Variants in EPB41 observed in about 807,000 individuals in gnomAD.
EPB41 encodes the protein erythrocyte membrane protein band 4.1, also known as protein 4.1.
EPB41 carries 65 observed loss-of-function variants against 108.0 expected under a neutral mutation model. The observed-to-expected ratio is 0.60, with a 90% CI of 0.49 to 0.74. The LOEUF (loss-of-function observed/expected upper bound fraction) is 0.74. Ranked by LOEUF, EPB41 falls within the 30% of genes least tolerant of loss-of-function variation. The pLI, the probability that EPB41 is intolerant of heterozygous loss-of-function variation, is 0.00. For missense variants in EPB41, 875 were observed against 1,037.0 expected (o/e 0.84, Z 2.15); for synonymous variants, 336 against 358.9 (o/e 0.94, Z 0.72).
chr1:29,013,231 A>G (rs2096531065), intron 5 of EPB41, among the ~76,000 whole-genome samples: 1 of 152,068 alleles, frequency 6.6e-6, no homozygotes, highest in African/African-American at 2.4e-5. Context: ...AGGCTGAGGC[A>G]GGAGAATTGC....
At chr1:29,033,460 T>C (rs1283311818) in intron 9 of EPB41, among the ~76,000 whole-genome samples, 1 of 152,182 alleles carries the variant, frequency 6.6e-6, no homozygotes, top group Non-Finnish European at 1.5e-5. Flanking sequence ...TAAGTAAATA[T>C]ACCATTGCAA....
intron 1 of EPB41, among the ~76,000 whole-genome samples, chr1:28,942,224 C>G (rs1479018433): frequency 6.6e-6 from 1 of 152,174 alleles, no homozygotes; most frequent in East Asian, 1.9e-4. Context: ...AGCTGGGTGT[C>G]CTATATAATT....
chr1:29,017,604 C>T (rs1278282481), intron 6 of EPB41, among the ~76,000 whole-genome samples: 2 of 152,196 alleles, frequency 1.3e-5, no homozygotes, highest in East Asian at 3.8e-4. Flanking sequence ...TGCGACTTAA[C>T]TCATCTTGGA....
chr1:29,107,820 C>T (rs1253371444), intron 17 of EPB41, among the ~76,000 whole-genome samples: 2 of 134,528 alleles, frequency 1.5e-5, no homozygotes, highest in East Asian at 2.1e-4. Context: ...TATTGCACTC[C>T]AGCCTGGGCA....
At chr1:28,979,773 A>G (rs1571849179) in intron 1 of EPB41, among the ~76,000 whole-genome samples, 1 of 151,954 alleles carries the variant, frequency 6.6e-6, no homozygotes, top group Non-Finnish European at 1.5e-5. Context: ...TGAAAATTCT[A>G]GAACTAATCT....
chr1:29,045,666 T>C (rs1364284540), intron 11 of EPB41, among the ~76,000 whole-genome samples: 1 of 150,912 alleles, frequency 6.6e-6, no homozygotes, highest in Non-Finnish European at 1.5e-5. Context: ...TCGTTTGCTA[T>C]CTTAAATGGT....
chr1:28,915,724 T>C (rs530178592), intron 1 of EPB41, among the ~76,000 whole-genome samples: 2 of 143,290 alleles, frequency 1.4e-5, no homozygotes, highest in Middle Eastern at 3.4e-3. Context: ...TTTTTTTTTT[T>C]CAGATGCTTT....
At chr1:29,103,160 C>T (rs112678224) in intron 17 of EPB41, among the ~76,000 whole-genome samples, 6 of 152,104 alleles carry the variant, frequency 3.9e-5, no homozygotes, top group African/African-American at 9.7e-5. Context: ...CAGCCCGCCT[C>T]GACCTCCCAA....
intron 16 of EPB41, chr1:29,070,720 T>A: frequency 8.2e-7 from 1 of 1,220,538 alleles, no homozygotes; most frequent in South Asian, 4.3e-5. Flanking sequence ...GATAGTTCAC[T>A]ATCCTAGGGG....
chr1:29,029,847 C>T (rs2096766713), intron 7 of EPB41, among the ~76,000 whole-genome samples: 1 of 152,210 alleles, frequency 6.6e-6, no homozygotes, highest in Non-Finnish European at 1.5e-5. Flanking sequence ...AGGACACCAT[C>T]TGTTACCAGA....
At chr1:29,060,590 T>C (rs888241503) in intron 15 of EPB41, 106 bp downstream of exon 15, 6 of 979,986 alleles carry the variant, frequency 6.1e-6, no homozygotes, top group Non-Finnish European at 9.7e-6. Flanking sequence ...TTGCATGCAA[T>C]TGCATGAAGG....
intron 19 of EPB41, among the ~76,000 whole-genome samples, chr1:29,114,511 C>T (rs367692663): frequency 1.3e-5 from 2 of 151,954 alleles, no homozygotes; most frequent in Non-Finnish European, 2.9e-5. Context: ...GACGTGGTCA[C>T]GGACACCTGT....
intron 2 of EPB41, among the ~76,000 whole-genome samples, chr1:28,990,406 C>G (rs2095990013): frequency 7.1e-6 from 1 of 141,442 alleles, no homozygotes; most frequent in Non-Finnish European, 1.5e-5. Flanking sequence ...CCTCCTTCCC[C>G]CTCTTTATTT....
chr1:29,079,338 G>A (rs1655436504), intron 16 of EPB41, among the ~76,000 whole-genome samples: 1 of 151,846 alleles, frequency 6.6e-6, no homozygotes, highest in Non-Finnish European at 1.5e-5. Context: ...ATACTTTAGT[G>A]TTTTAAGCGC....
chr1:28,936,661 G>A (rs2094041867), intron 1 of EPB41, among the ~76,000 whole-genome samples: 1 of 152,140 alleles, frequency 6.6e-6, no homozygotes, highest in Admixed American at 6.5e-5. Context: ...GGTCTTTTAT[G>A]TCTGGCTTCA....
intron 3 of EPB41, among the ~76,000 whole-genome samples, chr1:28,995,394 T>TAATA (rs2096144579): frequency 6.6e-6 from 1 of 152,072 alleles, no homozygotes; most frequent in Non-Finnish European, 1.5e-5. Context: ...AAACCCCGTC[T>TAATA]CTACTAAAAA....
chr1:28,891,400 G>C (rs978070124), intron 1 of EPB41, among the ~76,000 whole-genome samples: 2 of 152,148 alleles, frequency 1.3e-5, no homozygotes, highest in Non-Finnish European at 2.9e-5. Flanking sequence ...GTCTGGGGCT[G>C]TTCAGCCAGT....
chr1:28,921,961 T>TGC (rs1553166522), intron 1 of EPB41, among the ~76,000 whole-genome samples: 1 of 109,922 alleles, frequency 9.1e-6, no homozygotes, highest in Non-Finnish European at 1.7e-5. Context: ...TATATATATA[T>TGC]ACACTTTTTT....
chr1:29,109,419 C>T lies in EPB41; in HGVS notation c.2397C>T (p.Thr799=). ...CATCTGAGACCCCAAGCAGCACCACCACAACTCAAATTACCAAGGTAACAG... is the reference window on the plus strand; with the variant it reads ...CATCTGAGACCCCAAGCAGCACCACTACAACTCAAATTACCAAGGTAACAG... ...TITSETPSST[T]TTQITKTVKG... is the part of the protein sequence containing the mutation. The change falls in exon 18 of 21, where the codon ACC becomes ACT. Residue 799 remains threonine (T), a synonymous_variant. Transcript: ENST00000343067. 1 of 1,614,048 alleles carries T rather than the reference C, an allele frequency of 6.2e-7. No individual in the cohort carries two copies.
Sources: allele counts gnomAD v4.1 joint callset (sites outside exome capture counted in the v4.1 genomes callset), GRCh38; gene constraint gnomAD v4.1.1; transcripts MANE v1.5; gene names NCBI Gene and HGNC (gene_info 2026-07-23, HGNC 2026-07-21).